Variants in SCTR observed in about 807,000 individuals in gnomAD.
SCTR encodes secretin receptor.
In SCTR, 56 loss-of-function variants were observed where a neutral mutation model predicts 60.8. That is an observed-to-expected ratio of 0.92 (90% CI 0.74 to 1.15). SCTR has a LOEUF of 1.15. Among genes scored for constraint, SCTR ranks in the 50% most tolerant of loss-of-function variants. SCTR has a pLI of 0.00. For missense variants in SCTR, 562 were observed against 550.4 expected (o/e 1.02, Z -0.21); for synonymous variants, 202 against 217.0 (o/e 0.93, Z 0.61).
At chr2:119,490,805 T>C (rs1678089016) in intron 2 of SCTR, among the ~76,000 whole-genome samples, 2 of 152,212 alleles carry the variant, frequency 1.3e-5, no homozygotes, top group South Asian at 4.1e-4. Flanking sequence ...ACTGGCCCAG[T>C]ATCCCTTTGT....
Position 119,453,305 on chromosome 2 carries a change from T to C in SCTR, c.833A>G (p.His278Arg). Residue 278 changes from histidine to arginine, a missense_variant, in exon 8 of 13, where the codon CAC becomes CGC. By Grantham distance (29) the His-to-Arg change is conservative. Transcript: ENST00000019103. Reference sequence around the variant, plus strand: ...AGCTTACCCAACATCTTCCAGAAAGTGTCTGGCAATAGCCCACAAAGCAAC... The same window carrying C: ...AGCTTACCCAACATCTTCCAGAAAGCGTCTGGCAATAGCCCACAAAGCAAC... ...IFVALWAIARHFLEDVGCWDI... is the reference protein window; with the variant it reads ...IFVALWAIARRFLEDVGCWDI... The C allele has an allele frequency of 6.2e-7, 1 of 1,613,204 alleles. No homozygotes were observed. Among genetic ancestry groups the C allele is most frequent in the Non-Finnish European group, 8.5e-7 (1 of 1,179,146 alleles).
chr2:119,477,650 C>T (rs1012242499), intron 3 of SCTR, among the ~76,000 whole-genome samples: 1 of 152,082 alleles, frequency 6.6e-6, no homozygotes, highest in African/African-American at 2.4e-5. Context: ...GGGGTTTCAC[C>T]ATGTTGGCCA....
intron 3 of SCTR, 26 bp from the exon 4 acceptor site, chr2:119,473,582 T>C: frequency 7.0e-7 from 1 of 1,436,060 alleles, no homozygotes; most frequent in Non-Finnish European, 9.8e-7. Context: ...GTCCTGTAGG[T>C]GAGCCATGGG....
At chr2:119,448,936 A>T (rs567359819) in intron 9 of SCTR, among the ~76,000 whole-genome samples, 156 bp from the exon 10 acceptor site, 7 of 151,410 alleles carry the variant, frequency 4.6e-5, no homozygotes, top group African/African-American at 1.7e-4. Context: ...TCCCCTCCCC[A>T]CCCCCAGTCC....
chr2:119,469,596 T>C (rs921627569), intron 4 of SCTR, among the ~76,000 whole-genome samples: 3 of 152,130 alleles, frequency 2.0e-5, no homozygotes, highest in Non-Finnish European at 4.4e-5. Context: ...GCTCAAGCAA[T>C]CTTCCTGCCT....
chr2:119,524,060 T>TA, intron 1 of SCTR, 95 bp downstream of exon 1: 1 of 901,464 alleles, frequency 1.1e-6, no homozygotes, highest in Non-Finnish European at 1.8e-6. Flanking sequence ...GAAGATCTGC[T>TA]AGTCCCTCTC....
chr2:119,522,446 A>G (rs992186838), intron 1 of SCTR, among the ~76,000 whole-genome samples: 1 of 152,158 alleles, frequency 6.6e-6, no homozygotes, highest in Non-Finnish European at 1.5e-5. Context: ...TCCCGGCTCT[A>G]CTACTAACTT....
intron 2 of SCTR, 48 bp downstream of exon 2, chr2:119,494,380 A>G (rs1275525038): frequency 6.3e-7 from 1 of 1,599,166 alleles, no homozygotes; most frequent in Non-Finnish European, 8.5e-7. Flanking sequence ...GCAGGACCGG[A>G]CATGCTCCAC....
chr2:119,502,988 A>T (rs936119797), intron 1 of SCTR, among the ~76,000 whole-genome samples: 3 of 8,274 alleles, frequency 3.6e-4, no homozygotes, highest in Non-Finnish European at 1.4e-3. Context: ...CATCTCTACT[A>T]AAAAAAAAAA....
rs779937018 is a variant in SCTR at position 119,464,170 on chromosome 2, C to T, written c.589G>A (p.Ala197Thr). The T allele has an allele frequency of 6.2e-6, 10 of 1,614,058 alleles. No individual in the cohort carries two copies. Among genetic ancestry groups the T allele is most frequent in the South Asian group, 1.1e-5 (1 of 91,080 alleles). Residue 197 changes from alanine (A) to threonine (T), a missense_variant, in exon 6 of 13, where the codon GCC (alanine) becomes ACC (threonine). Coordinates refer to ENST00000019103, the MANE Select transcript of SCTR (RefSeq NM_002980.3). ...ACATCATCTGAGGAGAAGAGCACGG[C>T]GTCCTTGATGAAGTTGGACAGGGCA... The part of the protein sequence containing the change: ...LRALSNFIKD[A>T]VLFSSDDVTY...
chr2:119,507,656 T>C (rs1461258991), intron 1 of SCTR, among the ~76,000 whole-genome samples: 1 of 150,028 alleles, frequency 6.7e-6, no homozygotes, highest in African/African-American at 2.4e-5. Context: ...ATTTCCTCTT[T>C]CTCGTTCTTT....
chr2:119,505,314 ATGTGT>A (rs1678701032), intron 1 of SCTR, among the ~76,000 whole-genome samples: 1 of 111,972 alleles, frequency 8.9e-6, no homozygotes, highest in Non-Finnish European at 1.7e-5. Flanking sequence ...GATTAAAAAA[ATGTGT>A]TGTGTGGTGG....
At chr2:119,516,766 C>A (rs981035824) in intron 1 of SCTR, among the ~76,000 whole-genome samples, 3 of 152,086 alleles carry the variant, frequency 2.0e-5, no homozygotes, top group Non-Finnish European at 2.9e-5. Context: ...TCAAGACCAG[C>A]CTGGCCAACA....
At chr2:119,518,974 C>T (rs944336484) in intron 1 of SCTR, among the ~76,000 whole-genome samples, 1 of 152,054 alleles carries the variant, frequency 6.6e-6, no homozygotes, top group Admixed American at 6.5e-5. Context: ...GTGGACTCCC[C>T]CTTTTTTTTT....
intron 1 of SCTR, among the ~76,000 whole-genome samples, chr2:119,506,147 G>A (rs367679895): frequency 6.6e-6 from 1 of 152,172 alleles, no homozygotes; most frequent in South Asian, 2.1e-4. Context: ...AACTACGACA[G>A]TCCTGGGCAT....
At chr2:119,477,671 G>A (rs1361453969) in intron 3 of SCTR, among the ~76,000 whole-genome samples, 3 of 152,054 alleles carry the variant, frequency 2.0e-5, no homozygotes, top group Non-Finnish European at 4.4e-5. Flanking sequence ...GGCTGGTCTC[G>A]AACTCCCGAC....
At chr2:119,484,893 G>T (rs1677798062) in intron 2 of SCTR, 1 of 152,414 alleles carries the variant, frequency 6.6e-6, no homozygotes, top group Non-Finnish European at 1.5e-5. Context: ...GACATGGAGG[G>T]TTCCAGAAGA....
intron 11 of SCTR, 51 bp downstream of exon 11, chr2:119,446,708 G>A (rs1173819353): frequency 7.1e-7 from 1 of 1,404,052 alleles, no homozygotes; most frequent in African/African-American, 1.5e-5. Context: ...TCTCCCTAAG[G>A]ACACAGAGAA....
intron 7 of SCTR, among the ~76,000 whole-genome samples, chr2:119,453,965 C>T (rs1391875461): frequency 6.6e-6 from 1 of 152,144 alleles, no homozygotes; most frequent in Non-Finnish European, 1.5e-5. Flanking sequence ...GCAAACTGAA[C>T]TTATACATTT....
Sources: gnomAD v4.1 joint callset for allele counts (sites outside exome capture counted in the v4.1 genomes callset) on GRCh38, gnomAD v4.1.1 for gene constraint, MANE v1.5 for transcripts, NCBI Gene and HGNC (gene_info 2026-07-23, HGNC 2026-07-21) for gene names.